Variants in GPR132 observed in about 807,000 individuals in gnomAD.
GPR132 encodes G protein-coupled receptor 132, also known as probable G protein-coupled receptor 132.
A neutral mutation model predicts 1.9 loss-of-function variants in GPR132; 4 were observed. The ratio of observed to expected loss-of-function variants is 2.13; its 90% CI spans 1.05 to 4.87. The LOEUF (loss-of-function observed/expected upper bound fraction) is 4.87, where lower values mean the gene tolerates loss of function less well. GPR132 is among the 30% of genes most tolerant of loss of function. The probability of loss-of-function intolerance (pLI) is 0.01; values close to 1 mark genes in which losing one functional copy is unlikely to be tolerated. For synonymous variants in GPR132, 233 were observed against 234.2 expected (o/e 0.99, Z 0.05); for missense variants, 404 against 512.5 (o/e 0.79, Z 2.04).
At position 105,060,234 on chromosome 14, in the gene GPR132, A is replaced by C. The variant is rs1433236029; in HGVS notation, c.-860-2954T>G. On this transcript the variant is annotated intron_variant, in intron 1 of 3. Coordinates refer to ENST00000329797, the MANE Select transcript of GPR132 (RefSeq NM_013345.4). This position sits in a 1 kb window ranked among gnomAD's most constrained non-coding sequence, Gnocchi z 6.3. Reference sequence around the variant, plus strand: ...CGTCTGGCTGCTGCGCCCAGCTCCAAGGCCCAGCAAGAGATGCAGGGCTCT... The same window carrying C: ...CGTCTGGCTGCTGCGCCCAGCTCCACGGCCCAGCAAGAGATGCAGGGCTCT... 6.6e-6 allele frequency among the ~76,000 whole-genome samples: 1 copy of C among 152,190 alleles called. No homozygotes were observed. Among genetic ancestry groups the C allele is most frequent in the East Asian group, 1.9e-4 (1 of 5,182 alleles).
rs1886872546 is a variant in GPR132 at position 105,059,008 on chromosome 14, C to T, written c.-860-1728G>A. ...CTGAGCCTGGCGGCTGCCTCACTAG[C>T]TCCAATCCTGCCTCCCTGGTGCCAG... On this transcript the variant is annotated intron_variant, in intron 1 of 3. Transcript: ENST00000329797. This position sits in a 1 kb window ranked among gnomAD's most constrained non-coding sequence, Gnocchi z 4.2. Among the ~76,000 whole-genome samples, 1 of 152,234 alleles carries T rather than the reference C, an allele frequency of 6.6e-6. No homozygotes were observed. Among genetic ancestry groups the T allele is most frequent in the African/African-American group, 2.4e-5 (1 of 41,456 alleles).
At chr14:105,062,068 C>T (rs1367378002) in intron 1 of GPR132, among the ~76,000 whole-genome samples, 1 of 152,226 alleles carries the variant, frequency 6.6e-6, no homozygotes, top group Non-Finnish European at 1.5e-5. Context: ...CCATCCAACT[C>T]CAACTGGATT....
At chr14:105,064,500 A>C (rs1887032063) in intron 1 of GPR132, among the ~76,000 whole-genome samples, 1 of 151,602 alleles carries the variant, frequency 6.6e-6, no homozygotes. Flanking sequence ...CGCCCGGCTA[A>C]TTTTTGTATT....
At position 105,056,248 on chromosome 14, in the gene GPR132, C is replaced by G. The variant is rs572813083; in HGVS notation, c.-746-82G>C. ...CTTCGCCCAAGACACAGGCCTGTGG[C>G]GGGCGGCGGGGGGCAGTGAAGGCAG... On this transcript the variant is annotated intron_variant, in intron 2 of 3. Transcript: ENST00000329797. The surrounding 1 kb of genome is among the most constrained non-coding windows in gnomAD (Gnocchi z 6.0). The G allele has an allele frequency of 1.2e-6, 1 of 844,276 alleles. No homozygotes were observed. The highest frequency in any genetic ancestry group is 5.4e-5 in the South Asian group (1 of 18,556). The allele number at this position is 844,276 out of a possible 1,614,324, so 52.3% of individuals were successfully genotyped here.
chr14:105,051,210 C>A lies in GPR132; in HGVS notation c.927G>T (p.Val309=). ...VNGVADPIIY[V]LATDHSRQEV... ...CTTGGCGGGAATGGTCCGTGGCCAG[C>A]ACGTAGATAATGGGGTCAGCCACGC... The change falls in exon 4 of 4, where the codon GTG becomes GTT. Residue 309 remains valine, a synonymous_variant. Coordinates refer to ENST00000329797, the MANE Select transcript of GPR132 (RefSeq NM_013345.4). The surrounding 1 kb of genome is among the most constrained non-coding windows in gnomAD (Gnocchi z 8.0). 1.2e-6 allele frequency: 2 copies of A among 1,613,940 alleles called. No homozygotes were observed. Among genetic ancestry groups the A allele is most frequent in the East Asian group, 4.5e-5 (2 of 44,872 alleles).
At chr14:105,057,103 G>C (rs940481007) in intron 2 of GPR132, 64 bp downstream of exon 2, 53 of 1,219,802 alleles carry the variant, frequency 4.3e-5, no homozygotes, top group African/African-American at 3.0e-4. Flanking sequence ...GAGACAACAT[G>C]CTTCATGGAA....
chr14:105,064,050 G>A (rs1260986696), intron 1 of GPR132, among the ~76,000 whole-genome samples: 3 of 151,954 alleles, frequency 2.0e-5, no homozygotes, highest in Non-Finnish European at 2.9e-5. Context: ...TATTGGTTAC[G>A]CTGGTCTCGA....
At position 105,055,253 on chromosome 14, in the gene GPR132, G is replaced by C. The variant is rs948155975; in HGVS notation, c.34+134C>G. The C allele has an allele frequency of 1.4e-6, 1 of 737,946 alleles. No individual in the cohort carries two copies. The highest frequency in any genetic ancestry group is 2.6e-6 in the Non-Finnish European group (1 of 391,804). The allele number at this position is 737,946 out of a possible 1,614,324, so 45.7% of individuals were successfully genotyped here. ...GATGCAGGAGAATCCCTTGAACCTG[G>C]GAGGCAGAAGCTGCAGTGAGCCGAG... is the stretch of plus-strand genomic sequence containing the variant. On this transcript the variant is annotated intron_variant, in intron 3 of 3. Transcript: ENST00000329797. The surrounding 1 kb of genome is among the most constrained non-coding windows in gnomAD (Gnocchi z 4.7).
In GPR132 at chr14:105,052,574, G is replaced by A. The variant is rs546186428; in HGVS notation, c.35-472C>T. 1.5e-4 allele frequency among the ~76,000 whole-genome samples: 23 copies of A among 152,058 alleles called. No homozygotes were observed. In the East Asian group the frequency reaches 3.7e-3, roughly 25 times the overall value. On this transcript the variant is annotated intron_variant, in intron 3 of 3. Transcript: ENST00000329797. Reference sequence around the variant, plus strand: ...ATTCCTGATCTCAGGTGATCCGCCTGCATCAGCTTCCCAAAGTGCTGGGAT... The same window carrying A: ...ATTCCTGATCTCAGGTGATCCGCCTACATCAGCTTCCCAAAGTGCTGGGAT...
rs1886768646 is a variant in GPR132 at position 105,055,543 on chromosome 14, A to G, written c.-123T>C. On this transcript the variant is annotated 5_prime_UTR_variant, in exon 3 of 4. Transcript: ENST00000329797. The surrounding 1 kb of genome is among the most constrained non-coding windows in gnomAD (Gnocchi z 4.7). ...CTCCCAGCCCCCAGGCCTCCATTCCACTTTGTCTCTGTGCGCTGGGCTCCC... is the reference window on the plus strand; with the variant it reads ...CTCCCAGCCCCCAGGCCTCCATTCCGCTTTGTCTCTGTGCGCTGGGCTCCC... 1.4e-6 allele frequency: 1 copy of G among 733,212 alleles called. No homozygotes were observed. 45.4% of individuals were successfully genotyped at this position (733,212 alleles called of 1,614,324 possible).
At position 105,050,246 on chromosome 14, in the gene GPR132, C is replaced by T. The variant is rs1010557938; in HGVS notation, c.*748G>A. On this transcript the variant is annotated 3_prime_UTR_variant, in exon 4 of 4. Coordinates refer to ENST00000329797, the MANE Select transcript of GPR132 (RefSeq NM_013345.4). The surrounding 1 kb of genome is among the most constrained non-coding windows in gnomAD (Gnocchi z 4.0). ...GACCCCACCCTGTACGGACCCCTCA[C>T]CAGCATCTCCCCGAGGATGCCGCTG... The T allele has an allele frequency of 1.3e-5, 2 of 152,514 alleles. No individual in the cohort carries two copies. Among genetic ancestry groups the T allele is most frequent in the African/African-American group, 4.8e-5 (2 of 41,472 alleles). 9.4% of individuals were successfully genotyped at this position (152,514 alleles called of 1,614,324 possible). A position where few individuals can be genotyped will look rare whatever the true frequency, so the allele number is the denominator to read the frequency against.
chr14:105,052,878 G>C (rs1161355375), intron 3 of GPR132, among the ~76,000 whole-genome samples: 1 of 151,050 alleles, frequency 6.6e-6, no homozygotes, highest in African/African-American at 2.4e-5. Context: ...AGAATCACTT[G>C]AACCCAGGAG....
intron 1 of GPR132, among the ~76,000 whole-genome samples, chr14:105,058,825 C>T (rs1489286840): frequency 1.3e-5 from 2 of 152,244 alleles, no homozygotes; most frequent in African/African-American, 2.4e-5. Context: ...CCTGAGGTGC[C>T]TCTAAAACAG....
chr14:105,051,243 C>G lies in GPR132; in HGVS notation c.894G>C (p.Thr298=), dbSNP rs370857711. The part of the protein sequence containing the change: ...TASVVFLCLS[T]VNGVADPIIY... Reference sequence around the variant, plus strand: ...TAATGGGGTCAGCCACGCCGTTCACCGTGGACAGGCACAGAAACACCACAG... The same window carrying G: ...TAATGGGGTCAGCCACGCCGTTCACGGTGGACAGGCACAGAAACACCACAG... Residue 298 remains threonine, a synonymous_variant, in exon 4 of 4, where the codon ACG becomes ACC. Transcript: ENST00000329797. This position sits in a 1 kb window ranked among gnomAD's most constrained non-coding sequence, Gnocchi z 8.0. 3.2e-4 allele frequency: 524 copies of G among 1,613,562 alleles called. 9 individuals are homozygous for G. The South Asian group carries it at 5.4e-3, about 17-fold the overall frequency.
intron 3 of GPR132, among the ~76,000 whole-genome samples, chr14:105,052,673 C>A (rs531590990): frequency 1.2e-4 from 18 of 151,772 alleles, no homozygotes; most frequent in South Asian, 4.2e-4. Context: ...AATGTTGCTT[C>A]TGGCCCGGCA....
At chr14:105,061,417 GC>G (rs2140935867) in intron 1 of GPR132, among the ~76,000 whole-genome samples, 1 of 152,334 alleles carries the variant, frequency 6.6e-6, no homozygotes, top group African/African-American at 2.4e-5. Context: ...TACTCCTACT[GC>G]CCCTGGGAGC....
In GPR132 at chr14:105,052,879, A is replaced by G. The variant is rs186122999; in HGVS notation, c.35-777T>C. 6.7e-3 allele frequency among the ~76,000 whole-genome samples: 1,020 copies of G among 151,308 alleles called. 18 individuals carry two copies. Among genetic ancestry groups the G allele is most frequent in the African/African-American group, 0.023 (970 of 41,352 alleles). Reference sequence around the variant, plus strand: ...GAGGCTGAGGCAGGAGAATCACTTGAACCCAGGAGGCGGAGGTTGCAGTGA... The same window carrying G: ...GAGGCTGAGGCAGGAGAATCACTTGGACCCAGGAGGCGGAGGTTGCAGTGA... On this transcript the variant is annotated intron_variant, in intron 3 of 3. Transcript: ENST00000329797.
At chr14:105,062,430 C>A (rs1886967336) in intron 1 of GPR132, among the ~76,000 whole-genome samples, 2 of 152,218 alleles carry the variant, frequency 1.3e-5, no homozygotes, top group East Asian at 3.8e-4. Flanking sequence ...AGCTCCGAGG[C>A]TGCTCTGCCT....
chr14:105,054,435 T>C, intron 3 of GPR132: 3 of 982,658 alleles, frequency 3.1e-6, no homozygotes, highest in Non-Finnish European at 2.4e-6. Context: ...TTCTTTTTTT[T>C]TTTTTTGAGA....
Sources: gnomAD v4.1 joint callset for allele counts (sites outside exome capture counted in the v4.1 genomes callset) on GRCh38, gnomAD v4.1.1 for gene constraint, Gnocchi (gnomAD v3.1) non-coding constraint, MANE v1.5 for transcripts, NCBI Gene and HGNC (gene_info 2026-07-23, HGNC 2026-07-21) for gene names.